The following GPR63 variants were observed in gnomAD, a reference collection of about 807,000 sequenced individuals.
GPR63 encodes probable G protein-coupled receptor 63.
GPR63 carries 12 observed loss-of-function variants against 23.1 expected under a neutral mutation model. The ratio of observed to expected loss-of-function variants is 0.52; its 90% CI spans 0.33 to 0.84. The LOEUF is 0.84. Among genes scored for constraint, GPR63 ranks in the 40% least tolerant of loss-of-function variants. The pLI is 0.02. For synonymous variants in GPR63, 172 were observed against 191.1 expected, an observed-to-expected ratio of 0.90 and a Z score of 0.82; for missense variants, 472 against 515.6, an observed-to-expected ratio of 0.92 and a Z score of 0.82.
At chr6:96,822,578 TC>T (rs1315226186) in intron 1 of GPR63, among the ~76,000 whole-genome samples, 1 of 152,212 alleles carries the variant, frequency 6.6e-6, no homozygotes, top group Non-Finnish European at 1.5e-5. Context: ...ACTATATAAA[TC>T]TTTGGCATAT....
chr6:96,817,176 A>G (rs1417337250), intron 1 of GPR63, among the ~76,000 whole-genome samples: 4 of 152,198 alleles, frequency 2.6e-5, no homozygotes, highest in African/African-American at 4.8e-5. Flanking sequence ...GCTGAAAGAT[A>G]GGCAAAGGAT....
rs1367671163 is a variant in GPR63, at chr6:96,799,452, C to G, written c.280G>C (p.Val94Leu). 1 of 1,614,088 alleles carries G rather than the reference C, an allele frequency of 6.2e-7. No individual in the cohort carries two copies. The highest frequency in any genetic ancestry group is 1.7e-5 in the Admixed American group (1 of 60,010). Residue 94 changes from valine (V) to leucine (L), a missense_variant, in exon 2 of 2, where the codon GTG becomes CTG. Coordinates refer to ENST00000229955, the MANE Select transcript of GPR63 (RefSeq NM_030784.4). Reference sequence around the variant, plus strand: ...ACAACCAAGTTCCCAAGAAAAGACACAAACAGAATGAATATCATTATAGCA... The same window carrying G: ...ACAACCAAGTTCCCAAGAAAAGACAGAAACAGAATGAATATCATTATAGCA... Reference protein sequence around the residue: ...LSAIMIFILFVSFLGNLVVCL... With the variant: ...LSAIMIFILFLSFLGNLVVCL...
chr6:96,799,755 A>C lies in GPR63; in HGVS notation c.-24T>G. Reference sequence around the variant, plus strand: ...ATGGTTTCAGTAGGATGGAAGATGCAAGCAGAGATGCAGGAGTTCTTCAAG... The same window carrying C: ...ATGGTTTCAGTAGGATGGAAGATGCCAGCAGAGATGCAGGAGTTCTTCAAG... On this transcript the variant is annotated 5_prime_UTR_variant, in exon 2 of 2. Coordinates refer to ENST00000229955, the MANE Select transcript of GPR63 (RefSeq NM_030784.4). 1 of 1,613,532 alleles carries C rather than the reference A, an allele frequency of 6.2e-7. No homozygotes were observed. The highest frequency in any genetic ancestry group is 8.5e-7 in the Non-Finnish European group (1 of 1,179,422).
In GPR63 at chr6:96,808,102, C is replaced by T. The variant is rs56212258; in HGVS notation, c.-150-8221G>A. On this transcript the variant is annotated intron_variant, in intron 1 of 1. Coordinates refer to ENST00000229955, the MANE Select transcript of GPR63 (RefSeq NM_030784.4). ...CTTTTACATATCACATGTATGTTTTCAAAAACATATTGCTAAATTTAAAAA... is the reference window on the plus strand; with the variant it reads ...CTTTTACATATCACATGTATGTTTTTAAAAACATATTGCTAAATTTAAAAA... Among the ~76,000 whole-genome samples the T allele has an allele frequency of 9.5e-3, 1,443 of 152,152 alleles. 7 individuals are homozygous for T. The highest frequency in any genetic ancestry group is 0.024 in the Middle Eastern group (7 of 294).
chr6:96,835,501 A>G (rs1413676249), intron 1 of GPR63, among the ~76,000 whole-genome samples: 1 of 152,218 alleles, frequency 6.6e-6, no homozygotes, highest in Non-Finnish European at 1.5e-5. Flanking sequence ...CAAAATCTCA[A>G]GGTGCTCAAG....
At chr6:96,814,661 T>TA (rs1400349678) in intron 1 of GPR63, among the ~76,000 whole-genome samples, 2 of 152,154 alleles carry the variant, frequency 1.3e-5, no homozygotes, top group African/African-American at 4.8e-5. Flanking sequence ...TTCCACTTAA[T>TA]ATAGCAATTT....
intron 1 of GPR63, among the ~76,000 whole-genome samples, chr6:96,800,419 T>C (rs1043218135): frequency 6.6e-6 from 1 of 152,186 alleles, no homozygotes; most frequent in African/African-American, 2.4e-5. Context: ...TCCTTATAAG[T>C]AGGCACTAAG....
At chr6:96,835,204 T>G (rs2127963992) in intron 1 of GPR63, among the ~76,000 whole-genome samples, 1 of 152,292 alleles carries the variant, frequency 6.6e-6, no homozygotes, top group African/African-American at 2.4e-5. Flanking sequence ...TTGACTAAAA[T>G]GCTGAAAAGA....
intron 1 of GPR63, among the ~76,000 whole-genome samples, chr6:96,804,624 G>A (rs927051885): frequency 2.6e-5 from 4 of 151,918 alleles, no homozygotes; most frequent in Admixed American, 6.6e-5. Flanking sequence ...CCCCATTCCT[G>A]TTTTTAGAGG....
At chr6:96,827,434 A>G (rs1774471691) in intron 1 of GPR63, among the ~76,000 whole-genome samples, 1 of 152,164 alleles carries the variant, frequency 6.6e-6, no homozygotes, top group Admixed American at 6.5e-5. Context: ...GGAGTTCCAG[A>G]AGATCATAAA....
chr6:96,821,439 AC>A (rs1774310287), intron 1 of GPR63, among the ~76,000 whole-genome samples: 1 of 151,908 alleles, frequency 6.6e-6, no homozygotes, highest in Non-Finnish European at 1.5e-5. Context: ...CCTCTAACTC[AC>A]CCTTTTATTT....
chr6:96,829,464 G>A (rs966593455), intron 1 of GPR63, among the ~76,000 whole-genome samples: 1 of 152,142 alleles, frequency 6.6e-6, no homozygotes. Context: ...AAGCTAAAAT[G>A]GGAAGATGGC....
chr6:96,834,151 T>A (rs1774661840), intron 1 of GPR63, among the ~76,000 whole-genome samples: 2 of 152,202 alleles, frequency 1.3e-5, no homozygotes, highest in Admixed American at 1.3e-4. Context: ...ATGCATTTTA[T>A]CCTATGTGTC....
At chr6:96,830,126 G>T (rs2127960726) in intron 1 of GPR63, among the ~76,000 whole-genome samples, 1 of 152,294 alleles carries the variant, frequency 6.6e-6, no homozygotes, top group Middle Eastern at 3.4e-3. Flanking sequence ...GGTTGATAAA[G>T]CAAGAGTTGC....
intron 1 of GPR63, among the ~76,000 whole-genome samples, chr6:96,822,555 G>A (rs550330458): frequency 3.9e-5 from 6 of 152,068 alleles, no homozygotes; most frequent in Admixed American, 1.3e-4. Flanking sequence ...CTTCCACCAC[G>A]CTATCCATGT....
At chr6:96,804,595 C>A (rs1458908632) in intron 1 of GPR63, among the ~76,000 whole-genome samples, 1 of 151,936 alleles carries the variant, frequency 6.6e-6, no homozygotes, top group Non-Finnish European at 1.5e-5. Flanking sequence ...ATCATCAAAC[C>A]CTGTCCCAAT....
chr6:96,821,864 G>A (rs1311470567), intron 1 of GPR63, among the ~76,000 whole-genome samples: 3 of 151,982 alleles, frequency 2.0e-5, no homozygotes, highest in Admixed American at 6.6e-5. Context: ...ATCTCTTGGC[G>A]TAACAGACAC....
chr6:96,835,617 G>A lies in GPR63; in HGVS notation c.-151+1651C>T, dbSNP rs372619551. On this transcript the variant is annotated intron_variant, in intron 1 of 1. Coordinates refer to ENST00000229955, the MANE Select transcript of GPR63 (RefSeq NM_030784.4). ...AAACAGTAACTACATAGGGGTTTTA[G>A]TTATGTTTATTTTTCCTAAGCAAAT... 4.6e-5 allele frequency among the ~76,000 whole-genome samples: 7 copies of A among 152,264 alleles called. No individual in the cohort carries two copies. In the South Asian group the frequency reaches 8.3e-4, roughly 18 times the overall value.
intron 1 of GPR63, among the ~76,000 whole-genome samples, chr6:96,807,495 T>C (rs1025214552): frequency 2.0e-5 from 3 of 152,238 alleles, no homozygotes; most frequent in Non-Finnish European, 4.4e-5. Flanking sequence ...ATCCATATGC[T>C]GGATAATTTT....
Sources: allele counts gnomAD v4.1 joint callset (sites outside exome capture counted in the v4.1 genomes callset), GRCh38; gene constraint gnomAD v4.1.1; transcripts MANE v1.5; gene names NCBI Gene and HGNC (gene_info 2026-07-23, HGNC 2026-07-21).